Variants in ADAM12 observed in about 807,000 individuals in gnomAD.
ADAM12 encodes the protein ADAM metallopeptidase domain 12, also known as disintegrin and metalloproteinase domain-containing protein 12.
A neutral mutation model predicts 106.4 loss-of-function variants in ADAM12; 70 were observed. The ratio of observed to expected loss-of-function variants is 0.66; its 90% confidence interval spans 0.54 to 0.80. The LOEUF (loss-of-function observed/expected upper bound fraction) is 0.80, where lower values mean the gene tolerates loss of function less well. Ranked by LOEUF, ADAM12 falls within the 30% of genes least tolerant of loss-of-function variation. ADAM12 has a pLI of 0.00. For synonymous variants in ADAM12, 420 were observed against 433.5 expected (o/e 0.97, Z 0.39); for missense variants, 1,010 against 1,171.9 (o/e 0.86, Z 2.02).
chr10:126,291,555 G>T (rs1438354739), intron 2 of ADAM12, among the ~76,000 whole-genome samples: 2 of 152,216 alleles, frequency 1.3e-5, no homozygotes, highest in African/African-American at 4.8e-5. Context: ...AAAAATTGAA[G>T]TTAGAGTGTC....
chr10:126,295,310 T>G (rs1485649237), intron 2 of ADAM12, among the ~76,000 whole-genome samples: 2 of 152,158 alleles, frequency 1.3e-5, no homozygotes, highest in Non-Finnish European at 2.9e-5. Context: ...CTGGGAGGAC[T>G]AAATGACATA....
intron 1 of ADAM12, among the ~76,000 whole-genome samples, chr10:126,357,654 A>G (rs1297833640): frequency 6.6e-6 from 1 of 152,134 alleles, no homozygotes. Context: ...AAGCAAACAA[A>G]TCCTTCTTTA....
intron 3 of ADAM12, among the ~76,000 whole-genome samples, chr10:126,165,809 C>A (rs1182345262): frequency 6.6e-6 from 1 of 152,246 alleles, no homozygotes; most frequent in Non-Finnish European, 1.5e-5. Flanking sequence ...TTTCTCTTCA[C>A]ACGCAATTCA....
chr10:126,152,972 C>A (rs534501294), intron 4 of ADAM12, among the ~76,000 whole-genome samples: 2 of 152,312 alleles, frequency 1.3e-5, no homozygotes, highest in South Asian at 4.1e-4. Flanking sequence ...TTGCAACAGT[C>A]ATTTTAAGAA....
intron 3 of ADAM12, among the ~76,000 whole-genome samples, chr10:126,157,820 G>A (rs952836111): frequency 1.5e-5 from 2 of 135,204 alleles, no homozygotes; most frequent in Non-Finnish European, 3.3e-5. Context: ...TCATTCACAG[G>A]GCACCCTGGC....
At chr10:126,290,188 C>G (rs1960083809) in intron 2 of ADAM12, among the ~76,000 whole-genome samples, 1 of 152,158 alleles carries the variant, frequency 6.6e-6, no homozygotes, top group South Asian at 2.1e-4. Flanking sequence ...CCTCAACCGC[C>G]AGCAAGAAAA....
intron 4 of ADAM12, among the ~76,000 whole-genome samples, chr10:126,142,008 A>G (rs1159715180): frequency 6.6e-6 from 1 of 152,176 alleles, no homozygotes; most frequent in Non-Finnish European, 1.5e-5. Context: ...ATAACCATCA[A>G]AGGTCACAGA....
chr10:126,112,129 A>G (rs1955880610), intron 6 of ADAM12, among the ~76,000 whole-genome samples: 1 of 152,132 alleles, frequency 6.6e-6, no homozygotes, highest in Admixed American at 6.5e-5. Context: ...CATCATACTC[A>G]GCAAACTAAT....
chr10:126,083,336 G>C (rs143588090), intron 11 of ADAM12, among the ~76,000 whole-genome samples: 1 of 152,338 alleles, frequency 6.6e-6, no homozygotes, highest in East Asian at 1.9e-4. Flanking sequence ...GATCTGACTA[G>C]AAGGCCTGTG....
At chr10:126,042,818 TCAGC>T (rs55722247) in intron 18 of ADAM12, among the ~76,000 whole-genome samples, 1 of 152,286 alleles carries the variant, frequency 6.6e-6, no homozygotes, top group East Asian at 1.9e-4. Flanking sequence ...ACTGGCAAAC[TCAGC>T]CACTCAGTCA....
At chr10:126,279,655 A>G (rs1436081437) in intron 2 of ADAM12, among the ~76,000 whole-genome samples, 2 of 151,768 alleles carry the variant, frequency 1.3e-5, no homozygotes, top group Non-Finnish European at 2.9e-5. Context: ...TGAACCCGGG[A>G]GGCCGAGGTT....
chr10:126,213,971 TCTGTAGAAAATAACATA>T (rs780886129), intron 3 of ADAM12, among the ~76,000 whole-genome samples: 123 of 152,322 alleles, frequency 8.1e-4, no homozygotes, highest in Non-Finnish European at 2.2e-4. Context: ...TTGCTACCAC[TCTGTAGAAAATAACATA>T]CTGATTACAA....
chr10:126,113,725 TATATATAA>T (rs1224226197), intron 6 of ADAM12, among the ~76,000 whole-genome samples: 2 of 32,638 alleles, frequency 6.1e-5, no homozygotes, highest in East Asian at 2.8e-3. Context: ...TATATATATA[TATATATAA>T]TATATTGCTC....
At chr10:126,238,404 A>T (rs1200772958) in intron 3 of ADAM12, among the ~76,000 whole-genome samples, 1 of 152,154 alleles carries the variant, frequency 6.6e-6, no homozygotes, top group East Asian at 1.9e-4. Context: ...GCTTGAACCC[A>T]GGAGGCGGAG....
chr10:126,111,548 C>G (rs1955868587), intron 6 of ADAM12, among the ~76,000 whole-genome samples: 1 of 152,162 alleles, frequency 6.6e-6, no homozygotes, highest in South Asian at 2.1e-4. Flanking sequence ...TTGAAAAGCT[C>G]ATGGAAAGGA....
intron 14 of ADAM12, among the ~76,000 whole-genome samples, chr10:126,054,705 C>G (rs1234960384): frequency 6.6e-6 from 1 of 152,166 alleles, no homozygotes; most frequent in Non-Finnish European, 1.5e-5. Context: ...GTTCTGTCCC[C>G]TCATCTGTAA....
At chr10:126,261,046 G>T (rs1342677679) in intron 3 of ADAM12, among the ~76,000 whole-genome samples, 5 of 152,162 alleles carry the variant, frequency 3.3e-5, no homozygotes, top group Non-Finnish European at 7.3e-5. Flanking sequence ...CATTTACATT[G>T]TATTAGGTAT....
In ADAM12 at chr10:126,098,455, C is replaced by T. The variant is rs1047929931; in HGVS notation, c.957G>A (p.Met319Ile). ...CAGACTGGTCTGCCGTGCACATGCT[C>T]ATGATTGGGGCCATGCCGATGGTGG... Reference protein sequence around the residue: ...QGTTIGMAPIMSMCTADQSGG... With the variant: ...QGTTIGMAPIISMCTADQSGG... Residue 319 changes from methionine to isoleucine, a missense_variant, in exon 10 of 23, where the codon ATG becomes ATA. By Grantham distance (10) the Met-to-Ile change is conservative. Around this residue, in one of 3 missense-constraint regions of ADAM12, gnomAD observed 391 missense variants for 442.9 expected, o/e 0.88. Transcript: ENST00000448723. 2 of 1,614,030 alleles carry T rather than the reference C, an allele frequency of 1.2e-6. No homozygotes were observed. Among genetic ancestry groups the T allele is most frequent in the African/African-American group, 1.3e-5 (1 of 74,928 alleles).
intron 3 of ADAM12, among the ~76,000 whole-genome samples, chr10:126,185,524 C>T (rs548355824): frequency 6.6e-6 from 1 of 151,664 alleles, no homozygotes; most frequent in South Asian, 2.1e-4. Flanking sequence ...TTAGAAAGTA[C>T]ATAATGGGGC....
Sources: allele counts gnomAD v4.1 joint callset (sites outside exome capture counted in the v4.1 genomes callset), GRCh38; gene constraint gnomAD v4.1.1; regional missense constraint gnomAD v4.1.1; transcripts MANE v1.5; gene names NCBI Gene and HGNC (gene_info 2026-07-23, HGNC 2026-07-21).